The following STX3 variants were observed in gnomAD, a reference collection of about 807,000 sequenced individuals.
STX3 encodes syntaxin-3.
In STX3, 19 loss-of-function variants were observed where a neutral mutation model predicts 40.2. The observed-to-expected ratio is 0.47, with a 90% CI of 0.33 to 0.69. The LOEUF is 0.69. STX3 is among the 30% of genes least tolerant of loss of function. The pLI is 0.02. For missense variants in STX3, 364 were observed against 366.7 expected (o/e 0.99, Z 0.06); for synonymous variants, 122 against 132.2 (o/e 0.92, Z 0.53).
chr11:59,793,404 C>T lies in STX3; in HGVS notation c.565C>T (p.Gln189Ter). The T allele has an allele frequency of 6.2e-7, 1 of 1,614,016 alleles. No homozygotes were observed. The highest frequency in any genetic ancestry group is 8.5e-7 in the Non-Finnish European group (1 of 1,179,952). Residue 189 changes from glutamine to a stop codon, truncating the protein, a stop_gained, in exon 8 of 11, where the codon CAA (glutamine) becomes TAA (stop). Transcript: ENST00000337979. LOFTEE classifies it high-confidence loss of function. The part of the protein sequence containing the change: ...SGIIDSQISK[Q>*]ALSEIEGRHK... Reference sequence around the variant, plus strand: ...GATCATTGACTCACAGATTTCCAAGCAAGCCCTCAGTGAGATTGAGGGACG... The same window carrying T: ...GATCATTGACTCACAGATTTCCAAGTAAGCCCTCAGTGAGATTGAGGGACG...
intron 4 of STX3, among the ~76,000 whole-genome samples, chr11:59,789,781 AATGC>A (rs1865002009): frequency 6.6e-6 from 1 of 152,040 alleles, no homozygotes; most frequent in Admixed American, 6.5e-5. Context: ...GAGATATATA[AATGC>A]AAGAGATATC....
Position 59,793,491 on chromosome 11 carries a change from A to G in STX3, c.652A>G (p.Ile218Val). The G allele has an allele frequency of 2.5e-6, 4 of 1,613,876 alleles. No individual in the cohort carries two copies. The highest frequency in any genetic ancestry group is 1.1e-5 in the South Asian group (1 of 91,048). ...GGAGCTTCACGACATGTTTATGGACATCGCCATGCTGGTGGAGAATCAGGT... is the reference window on the plus strand; with the variant it reads ...GGAGCTTCACGACATGTTTATGGACGTCGCCATGCTGGTGGAGAATCAGGT... The part of the protein sequence containing the change: ...IKELHDMFMD[I>V]AMLVENQGEM... The change falls in exon 8 of 11, where the codon ATC (isoleucine) becomes GTC (valine). Residue 218 changes from isoleucine (I) to valine (V), a missense_variant. By Grantham distance (29) the Ile-to-Val change is conservative. Transcript: ENST00000337979.
At chr11:59,799,645 A>G in intron 10 of STX3, 1 of 985,412 alleles carries the variant, frequency 1.0e-6, no homozygotes. Flanking sequence ...CAGTACCCAG[A>G]GCTGTGCCTT....
At chr11:59,769,076 A>G (rs572324098) in intron 1 of STX3, among the ~76,000 whole-genome samples, 8 of 152,082 alleles carry the variant, frequency 5.3e-5, no homozygotes, top group African/African-American at 1.9e-4. Context: ...GGACACATAC[A>G]TTTCTTTATC....
intron 3 of STX3, among the ~76,000 whole-genome samples, chr11:59,788,246 C>T (rs1171482322): frequency 7.2e-5 from 11 of 152,204 alleles, no homozygotes; most frequent in African/African-American, 1.2e-4. Flanking sequence ...CCTTACTCCA[C>T]GCTGCATATT....
chr11:59,805,532 G>T lies in STX3; in HGVS notation c.*4708G>T, dbSNP rs768468793. 1 of 152,188 alleles carries T rather than the reference G, an allele frequency of 6.6e-6. No homozygotes were observed. The highest frequency in any genetic ancestry group is 2.4e-5 in the African/African-American group (1 of 41,438). 9.4% of individuals were successfully genotyped at this position (152,188 alleles called of 1,614,324 possible). A position where few individuals can be genotyped will look rare whatever the true frequency, so the allele number is the denominator to read the frequency against. On this transcript the variant is annotated 3_prime_UTR_variant, in exon 11 of 11. Transcript: ENST00000337979. ...TGTGCTTCCTTTAGTTTTAATAGGG[G>T]ATAGAAGACTGCAGCTGGTTGGGTC...
intron 9 of STX3, among the ~76,000 whole-genome samples, chr11:59,796,134 A>C (rs1434295186): frequency 6.6e-6 from 1 of 152,126 alleles, no homozygotes; most frequent in Non-Finnish European, 1.5e-5. Context: ...GCTAACTGCT[A>C]TCTATACATT....
intron 1 of STX3, among the ~76,000 whole-genome samples, chr11:59,759,341 C>T (rs934495486): frequency 6.6e-6 from 1 of 152,186 alleles, no homozygotes; most frequent in African/African-American, 2.4e-5. Context: ...AAGGGAGCAT[C>T]AGCAGGGTCG....
Position 59,801,354 on chromosome 11 carries a change from A to C in STX3, c.*530A>C. ...TTTGTTGTCCGTATGTCCTGAAAAC[A>C]TGAGGGACTGGCAGATGTCATTTTG... is the stretch of plus-strand genomic sequence containing the variant. On this transcript the variant is annotated 3_prime_UTR_variant, in exon 11 of 11. Coordinates refer to ENST00000337979, the MANE Select transcript of STX3 (RefSeq NM_004177.5). 1 of 989,454 alleles carries C rather than the reference A, an allele frequency of 1.0e-6. No individual in the cohort carries two copies. Among genetic ancestry groups the C allele is most frequent in the Non-Finnish European group, 1.2e-6 (1 of 832,108 alleles). The allele number at this position is 989,454 out of a possible 1,614,324, so 61.3% of individuals were successfully genotyped here.
intron 9 of STX3, 144 bp from the exon 10 acceptor site, chr11:59,797,139 G>A: frequency 1.6e-6 from 1 of 630,266 alleles, no homozygotes; most frequent in Middle Eastern, 4.2e-4. Context: ...CTAGAAGGAT[G>A]TCTGTATGTA....
chr11:59,787,216 G>A lies in STX3; in HGVS notation c.214+80G>A, dbSNP rs117224770. On this transcript the variant is annotated intron_variant, in intron 3 of 10. Coordinates refer to ENST00000337979, the MANE Select transcript of STX3 (RefSeq NM_004177.5). ...AGCCAGCCTTGTTTTCTTGCCCTTC[G>A]TGAGCAGTAGGGAAGTGTACAAGTT... The A allele has an allele frequency of 1.9e-3, 2,352 of 1,242,800 alleles. 7 individuals carry two copies. Among genetic ancestry groups the A allele is most frequent in the Admixed American group, 3.8e-3 (215 of 57,038 alleles). 77.0% of individuals were successfully genotyped at this position (1,242,800 alleles called of 1,614,324 possible). A position where few individuals can be genotyped will look rare whatever the true frequency, so the allele number is the denominator to read the frequency against.
At chr11:59,761,151 C>T (rs1310093866) in intron 1 of STX3, among the ~76,000 whole-genome samples, 1 of 152,218 alleles carries the variant, frequency 6.6e-6, no homozygotes, top group Non-Finnish European at 1.5e-5. Flanking sequence ...TCCAAGGCTC[C>T]TAACTACACC....
intron 1 of STX3, among the ~76,000 whole-genome samples, chr11:59,765,224 A>G (rs1027381414): frequency 2.0e-5 from 3 of 152,218 alleles, no homozygotes; most frequent in African/African-American, 7.2e-5. Context: ...CTGGAAGAGA[A>G]ATCACAGCTT....
At chr11:59,768,452 A>C (rs1863394242) in intron 1 of STX3, among the ~76,000 whole-genome samples, 1 of 152,186 alleles carries the variant, frequency 6.6e-6, no homozygotes, top group African/African-American at 2.4e-5. Context: ...TGAATAGCAG[A>C]GGAGTATATG....
intron 2 of STX3, among the ~76,000 whole-genome samples, chr11:59,785,451 C>T (rs534472693): frequency 2.0e-5 from 3 of 152,236 alleles, no homozygotes; most frequent in East Asian, 1.9e-4. Context: ...CCGTTTTAGC[C>T]CCCTGAGTAG....
chr11:59,762,681 G>A (rs1380799672), intron 1 of STX3, among the ~76,000 whole-genome samples: 1 of 151,368 alleles, frequency 6.6e-6, no homozygotes, highest in African/African-American at 2.4e-5. Context: ...CCATGGTGGT[G>A]TCCAGAGGCC....
intron 10 of STX3, 35 bp from the exon 11 acceptor site, chr11:59,800,820 T>C: frequency 6.5e-7 from 1 of 1,536,388 alleles, no homozygotes; most frequent in Non-Finnish European, 8.7e-7. Flanking sequence ...CTTCTTCCTG[T>C]GTACTGATCA....
At chr11:59,794,085 AT>A (rs1381098279) in intron 8 of STX3, among the ~76,000 whole-genome samples, 3 of 150,672 alleles carry the variant, frequency 2.0e-5, no homozygotes, top group African/African-American at 7.3e-5. Context: ...ATTTTTTTCC[AT>A]TTTTTTTCTG....
intron 10 of STX3, 88 bp from the exon 11 acceptor site, chr11:59,800,767 C>T: frequency 6.5e-7 from 1 of 1,531,016 alleles, no homozygotes; most frequent in Non-Finnish European, 8.7e-7. Context: ...TCTTTCCTCC[C>T]CACCTTCCAG....
Sources: allele counts gnomAD v4.1 joint callset (sites outside exome capture counted in the v4.1 genomes callset), GRCh38; gene constraint gnomAD v4.1.1; transcripts MANE v1.5; gene names NCBI Gene and HGNC (gene_info 2026-07-23, HGNC 2026-07-21).